The following LENG8 variants were observed in gnomAD, a reference collection of about 807,000 sequenced individuals.
LENG8 encodes the protein leukocyte receptor cluster (LRC) member 8.
Under a neutral mutation model 102.1 loss-of-function variants are expected in LENG8, and 28 were observed. The observed-to-expected ratio is 0.27, with a 90% CI of 0.20 to 0.38. The LOEUF is 0.38. Among genes scored for constraint, LENG8 ranks in the 10% least tolerant of loss-of-function variants. The pLI is 1.00. For missense variants in LENG8, 1,022 were observed against 1,113.9 expected (o/e 0.92, Z 1.17); for synonymous variants, 531 against 456.7 (o/e 1.16, Z -2.07).
chr19:54,460,574 T>TG, intron 15 of LENG8, 192 bp from the exon 16 acceptor site: 1 of 1,408,244 alleles, frequency 7.1e-7, no homozygotes, highest in South Asian at 1.5e-5. Flanking sequence ...CACAGGGGAC[T>TG]GGGGTCACTA....
In LENG8 at chr19:54,461,424, C is replaced by A; in HGVS notation, c.*496C>A. Reference sequence around the variant, plus strand: ...GACTCTTGTTCCCAGCCCCTTGGGGCCTCCGTGTTTGGGGTGGGGGAGCTG... The same window carrying A: ...GACTCTTGTTCCCAGCCCCTTGGGGACTCCGTGTTTGGGGTGGGGGAGCTG... On this transcript the variant is annotated 3_prime_UTR_variant, in exon 16 of 16. Coordinates refer to ENST00000326764, the MANE Select transcript of LENG8 (RefSeq NM_052925.4). 2.2e-6 allele frequency: 1 copy of A among 458,904 alleles called. No individual in the cohort carries two copies. Among genetic ancestry groups the A allele is most frequent in the Non-Finnish European group, 4.4e-6 (1 of 227,352 alleles). 28.4% of individuals were successfully genotyped at this position (458,904 alleles called of 1,614,324 possible).
intron 15 of LENG8, chr19:54,459,884 C>T: frequency 8.5e-7 from 1 of 1,171,116 alleles, no homozygotes; most frequent in Non-Finnish European, 1.1e-6. Context: ...TGATGGGCCC[C>T]ATGAATGGTG....
Position 54,456,900 on chromosome 19 carries a change from G to A in LENG8, c.1710G>A (p.Pro570=), listed in dbSNP as rs139632335. The change falls in exon 11 of 16, where the codon CCG becomes CCA. Residue 570 remains proline, a synonymous_variant. Coordinates refer to ENST00000326764, the MANE Select transcript of LENG8 (RefSeq NM_052925.4). ...HYLRLTCAPD[P]STVRPVAVLK... Reference sequence around the variant, plus strand: ...TGCGCCTCACCTGTGCCCCCGACCCGTCCACCGTGCGCCCTGTGGCAGTAA... The same window carrying A: ...TGCGCCTCACCTGTGCCCCCGACCCATCCACCGTGCGCCCTGTGGCAGTAA... The A allele has an allele frequency of 3.6e-4, 578 of 1,608,124 alleles. 4 individuals carry two copies. Among genetic ancestry groups the A allele is most frequent in the South Asian group, 3.5e-3 (320 of 90,912 alleles).
chr19:54,459,379 A>T, intron 15 of LENG8: 5 of 994,308 alleles, frequency 5.0e-6, no homozygotes, highest in Non-Finnish European at 6.0e-6. Context: ...GGTCATAGTC[A>T]CAGCATGGAG....
At chr19:54,460,600 C>T (rs2084486225) in intron 15 of LENG8, 166 bp from the exon 16 acceptor site, 4 of 1,422,712 alleles carry the variant, frequency 2.8e-6, no homozygotes, top group Non-Finnish European at 3.7e-6. Context: ...CCCCGGGCCC[C>T]CCCCGAGCCC....
In LENG8 at chr19:54,454,441, C is replaced by A. The variant is rs767069906; in HGVS notation, c.438C>A (p.Pro146=). The A allele has an allele frequency of 6.2e-7, 1 of 1,607,016 alleles. No individual in the cohort carries two copies. Among genetic ancestry groups the A allele is most frequent in the Non-Finnish European group, 8.5e-7 (1 of 1,176,206 alleles). ...HQGTLNQPPV[P]GMDESMSYQA... is the part of the protein sequence containing the mutation. ...GCTTCCTTCTGCAGCCCCCAGTCCC[C>A]GGCATGGATGAGAGCATGTCCTACC... is the stretch of plus-strand genomic sequence containing the variant. The change falls in exon 6 of 16, where the codon CCC becomes CCA. Residue 146 remains proline (P), a synonymous_variant. Coordinates refer to ENST00000326764, the MANE Select transcript of LENG8 (RefSeq NM_052925.4).
intron 15 of LENG8, chr19:54,459,051 T>C (rs1181598559): frequency 1.4e-6 from 2 of 1,418,176 alleles, no homozygotes; most frequent in African/African-American, 2.9e-5. Flanking sequence ...GCCATGCCCC[T>C]GCAGTGTCCT....
At position 54,461,878 on chromosome 19, in the gene LENG8, G is replaced by A. The variant is rs1266752782; in HGVS notation, c.*950G>A. The A allele has an allele frequency of 1.4e-5, 10 of 730,532 alleles. No individual in the cohort carries two copies. Among genetic ancestry groups the A allele is most frequent in the East Asian group, 2.7e-5 (1 of 36,766 alleles). The allele number at this position is 730,532 out of a possible 1,614,324, so 45.3% of individuals were successfully genotyped here. A position where few individuals can be genotyped will look rare whatever the true frequency, so the allele number is the denominator to read the frequency against. On this transcript the variant is annotated 3_prime_UTR_variant, in exon 16 of 16. Transcript: ENST00000326764. ...TTGCAAACAGCTGGACTGTCAGGCT[G>A]CTTTTTTTCCAGATGTTCCTCCTCT...
At chr19:54,450,115 C>G (rs1031261356) in intron 1 of LENG8, among the ~76,000 whole-genome samples, 3 of 152,170 alleles carry the variant, frequency 2.0e-5, no homozygotes, top group Non-Finnish European at 4.4e-5. Flanking sequence ...TCTCTCTGTA[C>G]CCCACTCTTA....
intron 10 of LENG8, 47 bp from the exon 11 acceptor site, chr19:54,456,589 G>T (rs778167210): frequency 2.2e-5 from 34 of 1,564,530 alleles, no homozygotes; most frequent in Non-Finnish European, 2.9e-5. Flanking sequence ...AGGCTGAAGG[G>T]GGGCTGGAGA....
intron 15 of LENG8, chr19:54,458,739 C>G: frequency 6.4e-7 from 1 of 1,551,328 alleles, no homozygotes; most frequent in Non-Finnish European, 8.7e-7. Flanking sequence ...CTCTCCCTCT[C>G]CCCACTGTTC....
rs2083812029 is a variant in LENG8, at chr19:54,449,217, C to G, written c.-149C>G. 1 of 152,450 alleles carries G rather than the reference C, an allele frequency of 6.6e-6. No homozygotes were observed. Among genetic ancestry groups the G allele is most frequent in the Admixed American group, 6.5e-5 (1 of 15,284 alleles). 9.4% of individuals were successfully genotyped at this position (152,450 alleles called of 1,614,324 possible). On this transcript the variant is annotated 5_prime_UTR_variant, in exon 1 of 16. Transcript: ENST00000326764. ...GTCAGGACGTCGAAGCCAAAGAAGACCAGAGCCAGCCGGGTGGCACAGCGG... is the reference window on the plus strand; with the variant it reads ...GTCAGGACGTCGAAGCCAAAGAAGAGCAGAGCCAGCCGGGTGGCACAGCGG...
chr19:54,452,808 G>T (rs1039720425), intron 4 of LENG8, 56 bp downstream of exon 4: 1 of 1,300,214 alleles, frequency 7.7e-7, no homozygotes, highest in Non-Finnish European at 1.1e-6. Context: ...CTGGGTCGGG[G>T]CGAGGTGAAG....
chr19:54,455,818 C>T (rs55884062), intron 8 of LENG8, 149 bp from the exon 9 acceptor site: 34,621 of 877,444 alleles, frequency 0.039, 1,332 homozygotes, highest in African/African-American at 0.13. Flanking sequence ...AACCTGGGTT[C>T]GCGTCTCATT....
intron 10 of LENG8, 79 bp from the exon 11 acceptor site, chr19:54,456,557 A>G (rs2084257774): frequency 1.3e-6 from 2 of 1,537,926 alleles, no homozygotes; most frequent in Non-Finnish European, 1.7e-6. Flanking sequence ...GGACAGGTGG[A>G]CAGCCAGCTG....
rs886546524 is a variant in LENG8 at position 54,461,636 on chromosome 19, T to G, written c.*708T>G. Reference sequence around the variant, plus strand: ...GTTTCTTCTGATTTTTTTTTCCCCTTTCCCTCCCTCCCTCTCCGCATTCTT... The same window carrying G: ...GTTTCTTCTGATTTTTTTTTCCCCTGTCCCTCCCTCCCTCTCCGCATTCTT... On this transcript the variant is annotated 3_prime_UTR_variant, in exon 16 of 16. Transcript: ENST00000326764. 3 of 474,182 alleles carry G rather than the reference T, an allele frequency of 6.3e-6. No homozygotes were observed. Among genetic ancestry groups the G allele is most frequent in the African/African-American group, 6.0e-5 (3 of 50,034 alleles). The allele number at this position is 474,182 out of a possible 1,614,324, so 29.4% of individuals were successfully genotyped here.
intron 6 of LENG8, 78 bp from the exon 7 acceptor site, chr19:54,454,873 T>C: frequency 6.3e-7 from 1 of 1,581,364 alleles, no homozygotes; most frequent in Admixed American, 1.8e-5. Flanking sequence ...CTCCCTGCAT[T>C]TCCACTTCCT....
At chr19:54,453,516 A>G (rs1402521545) in intron 4 of LENG8, 30 bp from the exon 5 acceptor site, 32 of 1,524,430 alleles carry the variant, frequency 2.1e-5, no homozygotes, top group Non-Finnish European at 2.9e-5. Flanking sequence ...TAGGCCTCCC[A>G]CTAAACCCTC....
intron 15 of LENG8, chr19:54,459,441 TGG>T (rs1424139425): frequency 6.1e-6 from 6 of 989,086 alleles, no homozygotes; most frequent in Non-Finnish European, 7.2e-6. Flanking sequence ...GGTCACAGCA[TGG>T]GGGCCTTGAG....
Sources: allele counts gnomAD v4.1 joint callset (sites outside exome capture counted in the v4.1 genomes callset), GRCh38; gene constraint gnomAD v4.1.1; transcripts MANE v1.5; gene names NCBI Gene and HGNC (gene_info 2026-07-23, HGNC 2026-07-21).